VWF: variants seen among roughly 807,000 people sequenced by gnomAD.
The protein encoded by VWF is von Willebrand factor.
In VWF, 176 loss-of-function variants were observed where a neutral mutation model predicts 308.6. The observed-to-expected ratio is 0.57, with a 90% confidence interval of 0.50 to 0.65. The LOEUF (loss-of-function observed/expected upper bound fraction) is 0.65, where lower values mean the gene tolerates loss of function less well. VWF is among the 30% of genes least tolerant of loss of function. The pLI is 0.00. For missense variants in VWF, 3,146 were observed against 3,648.2 expected (o/e 0.86, Z 3.55); for synonymous variants, 1,385 against 1,443.4 (o/e 0.96, Z 0.92).
At position 6,019,336 on chromosome 12, in the gene VWF, A is replaced by G. The variant is rs61749408; in HGVS notation, c.4082T>C (p.Leu1361Ser). The G allele has an allele frequency of 1.9e-6, 3 of 1,613,914 alleles. No homozygotes were observed. Among genetic ancestry groups the G allele is most frequent in the Non-Finnish European group, 2.5e-6 (3 of 1,179,846 alleles). Residue 1361 changes from leucine (L) to serine (S), a missense_variant, in exon 28 of 52, where the codon TTG (leucine) becomes TCG (serine). Around this residue, in one of 3 missense-constraint regions of VWF, gnomAD observed 853 missense variants for 1,177.8 expected, o/e 0.72. Transcript: ENST00000261405. This position sits in a 1 kb window ranked among gnomAD's most constrained non-coding sequence, Gnocchi z 5.8. ...GSQVASTSEVLKYTLFQIFSK... is the reference protein window; with the variant it reads ...GSQVASTSEVSKYTLFQIFSK... Reference sequence around the variant, plus strand: ...GAAGATTTGGAACAGTGTGTATTTCAAGACCTCGCTGGTGGAGGCCACCTG... The same window carrying G: ...GAAGATTTGGAACAGTGTGTATTTCGAGACCTCGCTGGTGGAGGCCACCTG...
intron 5 of VWF, among the ~76,000 whole-genome samples, chr12:6,103,399 C>CACATAT (rs1555075260): frequency 1.7e-5 from 2 of 120,586 alleles, no homozygotes; most frequent in Non-Finnish European, 3.4e-5. Flanking sequence ...TGTGTATACA[C>CACATAT]GTGTGTGTAT....
chr12:6,036,362 C>A, intron 19 of VWF, 26 bp downstream of exon 19: 1 of 1,607,872 alleles, frequency 6.2e-7, no homozygotes, highest in Non-Finnish European at 8.5e-7. Flanking sequence ...CCTGGGTCCC[C>A]GGCGCAGCCC....
chr12:6,015,585 C>A (rs1441458101), intron 31 of VWF, among the ~76,000 whole-genome samples: 1 of 151,978 alleles, frequency 6.6e-6, no homozygotes, highest in African/African-American at 2.4e-5. Flanking sequence ...AGCACATGTT[C>A]TTATGGAGCA....
Position 6,019,087 on chromosome 12 carries a change from T to C in VWF, c.4331A>G (p.Asp1444Gly). Residue 1444 changes from aspartate (D) to glycine (G), a missense_variant, in exon 28 of 52, where the codon GAT becomes GGT. Physicochemically the swap from Asp to Gly is moderately conservative, Grantham distance 94. Coordinates refer to ENST00000261405, the MANE Select transcript of VWF (RefSeq NM_000552.5). The surrounding 1 kb of genome is among the most constrained non-coding windows in gnomAD (Gnocchi z 5.8). ...CTCGTCCCTTTGCTGCTCCAGCTCA[T>C]CCACACTGCTCAGCACGAAGGCCTT... is the stretch of plus-strand genomic sequence containing the variant. ...ENKAFVLSSV[D>G]ELEQQRDEIV... is the part of the protein sequence containing the mutation. 6.2e-7 allele frequency: 1 copy of C among 1,613,834 alleles called. No individual in the cohort carries two copies. Among genetic ancestry groups the C allele is most frequent in the Non-Finnish European group, 8.5e-7 (1 of 1,179,828 alleles).
chr12:6,065,911 C>T (rs2136463857), intron 10 of VWF, among the ~76,000 whole-genome samples: 1 of 152,344 alleles, frequency 6.6e-6, no homozygotes, highest in African/African-American at 2.4e-5. Context: ...CCATTGCTTT[C>T]TGCGTCCTCA....
chr12:6,109,812 G>C (rs1426560002), intron 5 of VWF, among the ~76,000 whole-genome samples: 3 of 152,122 alleles, frequency 2.0e-5, no homozygotes, highest in African/African-American at 7.2e-5. Context: ...CACCACGCCT[G>C]GCTAATTTTC....
At chr12:5,952,661 A>G in intron 48 of VWF, 142 bp from the exon 49 acceptor site, 1 of 1,156,864 alleles carries the variant, frequency 8.6e-7, no homozygotes, top group Non-Finnish European at 1.2e-6. Flanking sequence ...TAAAGCCCCC[A>G]CACCCAGAAC....
Position 6,023,707 on chromosome 12 carries a change from G to A in VWF, c.3303C>T (p.Cys1101=), listed in dbSNP as rs267607318. 105 of 1,613,876 alleles carry A rather than the reference G, an allele frequency of 6.5e-5. No homozygotes were observed. Among genetic ancestry groups the A allele is most frequent in the African/African-American group, 3.7e-4 (28 of 75,014 alleles). The change falls in exon 25 of 52, where the codon TGC becomes TGT. Residue 1101 remains cysteine (C), a synonymous_variant. Transcript: ENST00000261405. The stretch of plus-strand genomic sequence containing the variant: ...CGTGGGCATAGGCAGCAATGGTGTC[G>A]CAGAAGCAGGCGCAGTCCCCAATGG... ...CESIGDCACF[C]DTIAAYAHVC... is the part of the protein sequence containing the mutation.
intron 20 of VWF, among the ~76,000 whole-genome samples, chr12:6,033,682 A>T (rs1944298261): frequency 6.6e-6 from 1 of 152,176 alleles, no homozygotes; most frequent in Non-Finnish European, 1.5e-5. Flanking sequence ...TCTCTGGGCC[A>T]GCCCGGGTGT....
chr12:6,032,718 T>C (rs191573507), intron 20 of VWF, among the ~76,000 whole-genome samples: 105 of 151,996 alleles, frequency 6.9e-4, no homozygotes, highest in Non-Finnish European at 1.8e-4. Context: ...ACCACTTACC[T>C]TTCTGACACA....
Position 6,124,047 on chromosome 12 carries a change from C to T in VWF, c.-1+374G>A, listed in dbSNP as rs116452436. 4.9e-3 allele frequency among the ~76,000 whole-genome samples: 750 copies of T among 152,250 alleles called. 5 individuals carry two copies. Among genetic ancestry groups the T allele is most frequent in the African/African-American group, 0.017 (723 of 41,550 alleles). ...GAAATCAAGCCAATCTGTGATACAT[C>T]TGTGGAAGGAACACTGAGATGTCAG... On this transcript the variant is annotated intron_variant, in intron 1 of 51. Transcript: ENST00000261405.
At position 5,982,064 on chromosome 12, in the gene VWF, G is replaced by C. The variant is rs1565818149; in HGVS notation, c.7082-73C>G. 4 of 1,450,236 alleles carry C rather than the reference G, an allele frequency of 2.8e-6. No individual in the cohort carries two copies. The East Asian group carries it at 9.3e-5, about 34-fold the overall frequency. 89.8% of individuals were successfully genotyped at this position (1,450,236 alleles called of 1,614,324 possible). ...CGTAAGTATTCAGCTATGCTATAGG[G>C]TGCCAGGGAGCTTTAGACTCAGAAG... On this transcript the variant is annotated intron_variant, in intron 41 of 51. Coordinates refer to ENST00000261405, the MANE Select transcript of VWF (RefSeq NM_000552.5).
chr12:5,966,925 T>G (rs1943410606), intron 47 of VWF, among the ~76,000 whole-genome samples: 1 of 152,248 alleles, frequency 6.6e-6, no homozygotes. Context: ...AATGCCAGTT[T>G]CATCTCCCAA....
intron 34 of VWF, among the ~76,000 whole-genome samples, chr12:6,007,800 G>A (rs1943946205): frequency 6.6e-6 from 1 of 152,084 alleles, no homozygotes. Flanking sequence ...CAAAGCTTTA[G>A]CTAGATTAAC....
chr12:6,031,700 G>T, intron 20 of VWF, 122 bp from the exon 21 acceptor site: 1 of 1,485,260 alleles, frequency 6.7e-7, no homozygotes, highest in Non-Finnish European at 9.3e-7. Context: ...CCACGTCCAT[G>T]GCTGCGCATA....
chr12:5,964,074 G>A (rs757535831), intron 47 of VWF, among the ~76,000 whole-genome samples: 15 of 152,126 alleles, frequency 9.9e-5, no homozygotes, highest in Non-Finnish European at 1.8e-4. Context: ...AAAATTAGCT[G>A]GGCATGGCGG....
chr12:6,027,882 A>ACACACC (rs1390775712), intron 22 of VWF, among the ~76,000 whole-genome samples: 51 of 146,978 alleles, frequency 3.5e-4, no homozygotes, highest in African/African-American at 1.1e-3. Flanking sequence ...ACACACACAC[A>ACACACC]CCCCTAAACA....
At chr12:6,120,168 C>G (rs1237845356) in intron 3 of VWF, among the ~76,000 whole-genome samples, 1 of 152,184 alleles carries the variant, frequency 6.6e-6, no homozygotes, top group African/African-American at 2.4e-5. Context: ...ACCCCAGGAG[C>G]CCTACAGCCC....
chr12:6,031,325 CT>C, intron 21 of VWF, 118 bp downstream of exon 21: 1 of 1,568,232 alleles, frequency 6.4e-7, no homozygotes, highest in Non-Finnish European at 8.8e-7. Flanking sequence ...GCCTCATCCT[CT>C]TTAATGGCTG....
Sources: allele counts gnomAD v4.1 joint callset (sites outside exome capture counted in the v4.1 genomes callset), GRCh38; gene constraint gnomAD v4.1.1; regional missense constraint gnomAD v4.1.1; non-coding constraint Gnocchi (gnomAD v3.1); transcripts MANE v1.5; gene names NCBI Gene and HGNC (gene_info 2026-07-23, HGNC 2026-07-21).